KRAS: variants seen among roughly 807,000 people sequenced by gnomAD.
KRAS encodes GTPase KRas.
A neutral mutation model predicts 21.0 loss-of-function variants in KRAS; 1 was observed. The ratio of observed to expected loss-of-function variants is 0.05; its 90% CI spans 0.02 to 0.23. KRAS has a LOEUF of 0.23. Ranked by LOEUF, KRAS falls within the 10% of genes least tolerant of loss-of-function variation. The pLI, the probability that KRAS is intolerant of heterozygous loss-of-function variation, is 1.00. For synonymous variants in KRAS, 67 were observed against 72.5 expected, an observed-to-expected ratio of 0.92 and a Z score of 0.39; for missense variants, 107 against 221.8, an observed-to-expected ratio of 0.48 and a Z score of 3.29.
rs993622526 is a variant in KRAS at position 25,248,870 on chromosome 12, C to T, written c.-12+1881G>A. Reference sequence around the variant, plus strand: ...AAAGCAAATATACTGTGGATGGCTACAGTCTCAAAGTAAACTATTGTTAGC... The same window carrying T: ...AAAGCAAATATACTGTGGATGGCTATAGTCTCAAAGTAAACTATTGTTAGC... On this transcript the variant is annotated intron_variant, in intron 1 of 4. Coordinates refer to ENST00000311936, the MANE Select transcript of KRAS (RefSeq NM_004985.5). Among the ~76,000 whole-genome samples, 5 of 152,202 alleles carry T rather than the reference C, an allele frequency of 3.3e-5. No homozygotes were observed. The East Asian group carries it at 9.6e-4, about 29-fold the overall frequency.
intron 4 of KRAS, among the ~76,000 whole-genome samples, chr12:25,217,473 G>C (rs1393611762): frequency 6.8e-6 from 1 of 147,318 alleles, no homozygotes; most frequent in African/African-American, 2.6e-5. Flanking sequence ...ATACTATCCA[G>C]TGATATATTT....
intron 4 of KRAS, among the ~76,000 whole-genome samples, chr12:25,223,058 T>C (rs1182316957): frequency 6.6e-6 from 1 of 152,216 alleles, no homozygotes; most frequent in Non-Finnish European, 1.5e-5. Flanking sequence ...TGGATTTTAA[T>C]AAGCCCAGCT....
intron 2 of KRAS, chr12:25,234,158 T>G (rs1951514225): frequency 1.2e-5 from 2 of 169,564 alleles, no homozygotes; most frequent in Non-Finnish European, 2.6e-5. Flanking sequence ...TAAGAATAAT[T>G]TAATAAATTT....
intron 1 of KRAS, among the ~76,000 whole-genome samples, chr12:25,250,346 A>G (rs1178128026): frequency 2.8e-5 from 4 of 144,268 alleles, no homozygotes; most frequent in Non-Finnish European, 6.1e-5. Context: ...GAGCGGGGAG[A>G]GGGGGAGGGG....
chr12:25,244,012 A>G (rs1951644363), intron 2 of KRAS, among the ~76,000 whole-genome samples: 1 of 152,182 alleles, frequency 6.6e-6, no homozygotes. Context: ...CCACTTTTTT[A>G]TAGTACCAAA....
rs1344580985 is a variant in KRAS at position 25,209,730 on chromosome 12, TTAGTG to T, written c.*60_*64del. On this transcript the variant is annotated 3_prime_UTR_variant, in exon 5 of 5. Coordinates refer to ENST00000311936, the MANE Select transcript of KRAS (RefSeq NM_004985.5). ...TAATGCTAAAACAAATGCTAATAAT[TTAGTG>T]TAATGTACAAAAATTACCACTTGTA... 2.5e-6 allele frequency: 4 copies of T among 1,574,126 alleles called. No individual in the cohort carries two copies. Among genetic ancestry groups the T allele is most frequent in the Non-Finnish European group, 1.7e-6 (2 of 1,161,178 alleles).
At chr12:25,222,568 G>T (rs1205775824) in intron 4 of KRAS, among the ~76,000 whole-genome samples, 1 of 152,126 alleles carries the variant, frequency 6.6e-6, no homozygotes, top group African/African-American at 2.4e-5. Context: ...CTGTTAAGAA[G>T]TACAAGTATT....
intron 4 of KRAS, among the ~76,000 whole-genome samples, chr12:25,222,838 A>G (rs1490938855): frequency 6.6e-5 from 10 of 152,212 alleles, no homozygotes. Context: ...CTGAGGTAGT[A>G]ATCATACAAC....
At chr12:25,222,562 TAAG>T (rs1951340442) in intron 4 of KRAS, among the ~76,000 whole-genome samples, 1 of 152,214 alleles carries the variant, frequency 6.6e-6, no homozygotes, top group Admixed American at 6.5e-5. Context: ...AGTGCTCTGT[TAAG>T]AAGTACAAGT....
At chr12:25,234,534 G>A (rs1951519525) in intron 2 of KRAS, 1 of 184,806 alleles carries the variant, frequency 5.4e-6, no homozygotes, top group Admixed American at 6.2e-5. Context: ...TTTCTTTGAG[G>A]AGTAATAATG....
chr12:25,215,300 T>C, intron 4 of KRAS: 1 of 1,341,090 alleles, frequency 7.5e-7, no homozygotes. Context: ...ATGTACTAAT[T>C]ATGGAAACAA....
At chr12:25,236,670 A>G (rs1951548422) in intron 2 of KRAS, among the ~76,000 whole-genome samples, 1 of 151,974 alleles carries the variant, frequency 6.6e-6, no homozygotes, top group African/African-American at 2.4e-5. Flanking sequence ...GAGAGAGGGG[A>G]GCAGAGACTG....
At chr12:25,247,518 CAATTAGG>C (rs1377531094) in intron 1 of KRAS, among the ~76,000 whole-genome samples, 1 of 152,172 alleles carries the variant, frequency 6.6e-6, no homozygotes, top group African/African-American at 2.4e-5. Context: ...TAGGCCAAAG[CAATTAGG>C]AATAGATGAG....
rs71065929 is a variant in KRAS at position 25,249,591 on chromosome 12, C to CA, written c.-12+1159dup. 9.0e-4 allele frequency among the ~76,000 whole-genome samples: 55 copies of CA among 60,826 alleles called. 6 individuals are homozygous for CA. The highest frequency in any genetic ancestry group is 2.4e-3 in the African/African-American group (38 of 15,768). 39.9% of individuals were successfully genotyped at this position (60,826 alleles called of 152,430 possible). ...TGGGCAACAGAGCGAGACTGTGTCT[C>CA]AAAAAAAAAAAAAAAAAGGAGATGC... On this transcript the variant is annotated intron_variant, in intron 1 of 4. Coordinates refer to ENST00000311936, the MANE Select transcript of KRAS (RefSeq NM_004985.5).
At chr12:25,240,830 ATACT>A (rs1265165348) in intron 2 of KRAS, among the ~76,000 whole-genome samples, 1 of 152,178 alleles carries the variant, frequency 6.6e-6, no homozygotes, top group Non-Finnish European at 1.5e-5. Context: ...GTCTTAATAA[ATACT>A]TATTCTTAAT....
intron 2 of KRAS, 117 bp downstream of exon 2, chr12:25,245,152 GATAAC>G (rs1951661840): frequency 9.2e-7 from 1 of 1,090,842 alleles, no homozygotes; most frequent in African/African-American, 1.6e-5. Flanking sequence ...GTACATTTCA[GATAAC>G]TTAACTTTCA....
At chr12:25,212,574 T>A (rs1768941236) in intron 4 of KRAS, among the ~76,000 whole-genome samples, 1 of 151,872 alleles carries the variant, frequency 6.6e-6, no homozygotes, top group South Asian at 2.1e-4. Context: ...TAAAAATAAA[T>A]AAGTAATAAA....
At chr12:25,245,525 C>A (rs1034038681) in intron 1 of KRAS, 130 bp from the exon 2 acceptor site, 8 of 969,104 alleles carry the variant, frequency 8.3e-6, no homozygotes, top group Non-Finnish European at 1.6e-6. Flanking sequence ...TTTCAAAATA[C>A]CTTACAAAAT....
chr12:25,211,527 G>A (rs113192922), intron 4 of KRAS, among the ~76,000 whole-genome samples: 120 of 152,156 alleles, frequency 7.9e-4, no homozygotes, highest in Non-Finnish European at 1.4e-3. Context: ...GCAGTGAGCC[G>A]AGATAGCACC....
Sources: allele counts gnomAD v4.1 joint callset (sites outside exome capture counted in the v4.1 genomes callset), GRCh38; gene constraint gnomAD v4.1.1; transcripts MANE v1.5; gene names NCBI Gene and HGNC (gene_info 2026-07-23, HGNC 2026-07-21).